The following PAPOLA variants were observed in gnomAD, a reference collection of about 807,000 sequenced individuals.
PAPOLA encodes poly(A) polymerase alpha.
PAPOLA carries 15 observed loss-of-function variants against 100.6 expected under a neutral mutation model. The ratio of observed to expected loss-of-function variants is 0.15; its 90% confidence interval spans 0.10 to 0.23. PAPOLA has a LOEUF of 0.23. PAPOLA is among the 10% of genes least tolerant of loss of function. The pLI, the probability that PAPOLA is intolerant of heterozygous loss-of-function variation, is 1.00. For missense variants in PAPOLA, 533 were observed against 884.2 expected (o/e 0.60, Z 5.04); for synonymous variants, 293 against 300.0 (o/e 0.98, Z 0.24).
At chr14:96,522,455 G>C (rs1898084304) in intron 3 of PAPOLA, among the ~76,000 whole-genome samples, 1 of 151,380 alleles carries the variant, frequency 6.6e-6, no homozygotes, top group Non-Finnish European at 1.5e-5. Flanking sequence ...CTCTTGCCCA[G>C]ACTGGAGTGC....
chr14:96,545,658 A>C (rs189505942), intron 15 of PAPOLA, among the ~76,000 whole-genome samples: 1 of 152,124 alleles, frequency 6.6e-6, no homozygotes, highest in African/African-American at 2.4e-5. Context: ...GTCTTTAGGA[A>C]TGTAGGAAGG....
intron 6 of PAPOLA, 126 bp downstream of exon 6, chr14:96,528,132 C>A (rs944179350): frequency 6.4e-6 from 4 of 629,858 alleles, no homozygotes; most frequent in Admixed American, 4.3e-5. Context: ...ACAATTAAGG[C>A]TTTTAAATGG....
chr14:96,505,317 G>A (rs987779718), intron 1 of PAPOLA, among the ~76,000 whole-genome samples: 2 of 152,100 alleles, frequency 1.3e-5, no homozygotes, highest in African/African-American at 2.4e-5. Flanking sequence ...TACCAGATGT[G>A]CCCTGGGGTG....
chr14:96,521,522 G>T (rs112873145), intron 3 of PAPOLA, among the ~76,000 whole-genome samples: 2,128 of 151,774 alleles, frequency 0.014, 45 homozygotes, highest in African/African-American at 0.048. Context: ...ACAGGGTCTC[G>T]CTCTGTCATT....
chr14:96,542,170 A>G, intron 12 of PAPOLA, 73 bp from the exon 13 acceptor site: 2 of 909,870 alleles, frequency 2.2e-6, no homozygotes, highest in Non-Finnish European at 3.5e-6. Flanking sequence ...AAGGAAGCTT[A>G]TTACTTTATG....
chr14:96,527,515 A>G lies in PAPOLA; in HGVS notation c.417A>G (p.Leu139=). 1 of 1,594,284 alleles carries G rather than the reference A, an allele frequency of 6.3e-7. No homozygotes were observed. The highest frequency in any genetic ancestry group is 1.3e-5 in the African/African-American group (1 of 74,674). ...FFTSFYDKLK[L]QEEVKDLRAV... ...CCTCATTCTATGATAAGTTGAAATTACAGGAAGAAGTAAAAGATTTAAGAG... is the reference window on the plus strand; with the variant it reads ...CCTCATTCTATGATAAGTTGAAATTGCAGGAAGAAGTAAAAGATTTAAGAG... The change falls in exon 5 of 22, where the codon TTA becomes TTG. Residue 139 remains leucine (L), a synonymous_variant. Coordinates refer to ENST00000216277, the MANE Select transcript of PAPOLA (RefSeq NM_032632.5).
At chr14:96,505,794 T>C (rs1413780988) in intron 1 of PAPOLA, among the ~76,000 whole-genome samples, 2 of 152,186 alleles carry the variant, frequency 1.3e-5, no homozygotes, top group East Asian at 3.8e-4. Context: ...TACTTAACGG[T>C]GCAAAAGCAG....
In PAPOLA at chr14:96,525,443, T is replaced by G. The variant is rs747450612; in HGVS notation, c.331+52T>G. On this transcript the variant is annotated intron_variant, in intron 4 of 21. Transcript: ENST00000216277. ...AAGGGACCCTTTAGTTCTTAAAAAT[T>G]ATGACATACCCGTCTCAGTTACTTG... The G allele has an allele frequency of 1.4e-5, 10 of 735,894 alleles. No homozygotes were observed. In the East Asian group the frequency reaches 2.7e-4, roughly 20 times the overall value. 45.6% of individuals were successfully genotyped at this position (735,894 alleles called of 1,614,324 possible).
chr14:96,542,718 T>G, intron 13 of PAPOLA, 56 bp from the exon 14 acceptor site: 1 of 1,515,770 alleles, frequency 6.6e-7, no homozygotes, highest in Non-Finnish European at 8.9e-7. Context: ...GCATTTTATT[T>G]ATTTATTTTT....
chr14:96,528,101 G>T, intron 6 of PAPOLA, 95 bp downstream of exon 6: 1 of 783,388 alleles, frequency 1.3e-6, no homozygotes, highest in South Asian at 1.5e-5. Context: ...TATAATTAGT[G>T]AGTTGGTTGT....
chr14:96,563,619 T>G (rs930733376), intron 21 of PAPOLA, among the ~76,000 whole-genome samples: 4 of 152,168 alleles, frequency 2.6e-5, no homozygotes, highest in Non-Finnish European at 5.9e-5. Context: ...TATGATACTA[T>G]GTACTATGAT....
chr14:96,507,494 C>T (rs1478305227), intron 1 of PAPOLA, among the ~76,000 whole-genome samples: 3 of 151,886 alleles, frequency 2.0e-5, no homozygotes, highest in African/African-American at 7.3e-5. Flanking sequence ...TCACCGTGGT[C>T]TCGATCTCCT....
At chr14:96,552,976 C>T (rs1900971519) in intron 17 of PAPOLA, 1 of 181,924 alleles carries the variant, frequency 5.5e-6, no homozygotes, top group South Asian at 1.6e-4. Flanking sequence ...CCCAGAGCTG[C>T]TTATACCTTT....
In PAPOLA at chr14:96,555,790, T is replaced by A. The variant is rs565182541; in HGVS notation, c.1665-57T>A. ...TATATGTTATAGATTATTGTAATTTTTTTTTTATTTTTCTATTTTTAAATT... is the reference window on the plus strand; with the variant it reads ...TATATGTTATAGATTATTGTAATTTATTTTTTATTTTTCTATTTTTAAATT... On this transcript the variant is annotated intron_variant, in intron 17 of 21. Coordinates refer to ENST00000216277, the MANE Select transcript of PAPOLA (RefSeq NM_032632.5). 6.3e-4 allele frequency: 547 copies of A among 867,804 alleles called. 6 individuals carry two copies. The African/African-American group carries it at 8.6e-3, about 14-fold the overall frequency. 53.8% of individuals were successfully genotyped at this position (867,804 alleles called of 1,614,324 possible).
chr14:96,560,395 T>A (rs1048387720), intron 19 of PAPOLA: 6 of 347,976 alleles, frequency 1.7e-5, no homozygotes, highest in Non-Finnish European at 3.1e-5. Flanking sequence ...TCTTAGTGGT[T>A]TTGGAAATGT....
In PAPOLA at chr14:96,560,640, T is replaced by A. The variant is rs201275170; in HGVS notation, c.2005-9T>A. On this transcript the variant is annotated splice_polypyrimidine_tract_variant and intron_variant, in intron 19 of 21. Coordinates refer to ENST00000216277, the MANE Select transcript of PAPOLA (RefSeq NM_032632.5). ...TTTTAGAGAATAAAGCTTTTTTTTT[T>A]AAAAACAGGATGAAACAAGTGAAGA... 4.3e-4 allele frequency: 665 copies of A among 1,557,300 alleles called. 2 individuals carry two copies. The highest frequency in any genetic ancestry group is 8.6e-4 in the South Asian group (75 of 86,954).
chr14:96,517,845 A>G (rs1897596936), intron 1 of PAPOLA, among the ~76,000 whole-genome samples: 1 of 152,012 alleles, frequency 6.6e-6, no homozygotes, highest in African/African-American at 2.4e-5. Flanking sequence ...CTGAGATTAT[A>G]GCATGCCACC....
At chr14:96,539,695 C>T (rs1249607513) in intron 12 of PAPOLA, among the ~76,000 whole-genome samples, 2 of 152,064 alleles carry the variant, frequency 1.3e-5, no homozygotes, top group African/African-American at 4.8e-5. Flanking sequence ...AAACATGGCA[C>T]TTGTAAAATA....
At chr14:96,557,724 A>T (rs1901471826) in intron 19 of PAPOLA, among the ~76,000 whole-genome samples, 2 of 150,106 alleles carry the variant, frequency 1.3e-5, no homozygotes, top group Non-Finnish European at 1.5e-5. Flanking sequence ...TATTTAGCTT[A>T]TTCTCTGAAG....
Sources: gnomAD v4.1 joint callset for allele counts (sites outside exome capture counted in the v4.1 genomes callset) on GRCh38, gnomAD v4.1.1 for gene constraint, MANE v1.5 for transcripts, NCBI Gene and HGNC (gene_info 2026-07-23, HGNC 2026-07-21) for gene names.